The following PITPNA variants were observed in gnomAD, a reference collection of about 807,000 sequenced individuals.
PITPNA encodes phosphatidylinositol transfer protein alpha isoform.
Under a neutral mutation model 50.3 loss-of-function variants are expected in PITPNA, and 13 were observed. The observed-to-expected ratio is 0.26, with a 90% confidence interval of 0.17 to 0.41. The LOEUF (loss-of-function observed/expected upper bound fraction) is 0.41. PITPNA is among the 10% of genes least tolerant of loss of function. The pLI is 1.00. For missense variants in PITPNA, 207 were observed against 333.4 expected (o/e 0.62, Z 2.95); for synonymous variants, 120 against 119.6 (o/e 1.00, Z -0.02).
intron 4 of PITPNA, among the ~76,000 whole-genome samples, chr17:1,543,461 C>T (rs571284492): frequency 1.3e-5 from 2 of 152,298 alleles, no homozygotes; most frequent in East Asian, 3.9e-4. Context: ...CACCCTTCCT[C>T]TCGCTGTAAT....
At chr17:1,547,163 C>A (rs1471902550) in intron 4 of PITPNA, among the ~76,000 whole-genome samples, 2 of 144,696 alleles carry the variant, frequency 1.4e-5, no homozygotes, top group African/African-American at 2.6e-5. Flanking sequence ...AATTTGAAAC[C>A]AGCCTGGGCA....
At chr17:1,532,416 T>G (rs2075589488) in intron 10 of PITPNA, among the ~76,000 whole-genome samples, 1 of 151,872 alleles carries the variant, frequency 6.6e-6, no homozygotes, top group Non-Finnish European at 1.5e-5. Flanking sequence ...GTCTGAGAGA[T>G]TAAAAAATAA....
chr17:1,549,320 AT>A (rs1250520585), intron 3 of PITPNA, among the ~76,000 whole-genome samples: 1,840 of 132,390 alleles, frequency 0.014, 25 homozygotes, highest in African/African-American at 0.041. Context: ...AACATTTAGA[AT>A]TTTTTTTTTT....
intron 1 of PITPNA, among the ~76,000 whole-genome samples, chr17:1,560,411 C>T (rs962489223): frequency 6.6e-6 from 1 of 152,218 alleles, no homozygotes; most frequent in Non-Finnish European, 1.5e-5. Context: ...CTGCTCCTCC[C>T]CCGTCCCCCG....
chr17:1,548,946 G>A (rs2075693137), intron 3 of PITPNA, among the ~76,000 whole-genome samples: 1 of 152,130 alleles, frequency 6.6e-6, no homozygotes. Flanking sequence ...TTGTCGCCCA[G>A]GCTGGAGTGC....
chr17:1,541,529 G>C, intron 6 of PITPNA, 37 bp downstream of exon 6: 1 of 1,462,714 alleles, frequency 6.8e-7, no homozygotes, highest in Non-Finnish European at 9.6e-7. Context: ...AGAGACTCAA[G>C]ACCTCACCCC....
chr17:1,558,840 A>C (rs945771095), intron 1 of PITPNA, among the ~76,000 whole-genome samples: 2 of 131,284 alleles, frequency 1.5e-5, no homozygotes, highest in Admixed American at 9.4e-5. Context: ...CTGTACCTTG[A>C]GGCATCCCAG....
intron 10 of PITPNA, among the ~76,000 whole-genome samples, chr17:1,522,318 G>T (rs960860921): frequency 6.6e-6 from 1 of 151,256 alleles, no homozygotes; most frequent in Non-Finnish European, 1.5e-5. Flanking sequence ...TGATCCACCC[G>T]CCTCGGCCTC....
At chr17:1,561,545 G>A (rs1041664382) in intron 1 of PITPNA, among the ~76,000 whole-genome samples, 3 of 151,820 alleles carry the variant, frequency 2.0e-5, no homozygotes, top group Non-Finnish European at 2.9e-5. Context: ...CTCTCTTTCC[G>A]GACCAGCCTC....
intron 4 of PITPNA, among the ~76,000 whole-genome samples, 154 bp downstream of exon 4, chr17:1,548,142 C>T (rs1159032957): frequency 6.6e-6 from 1 of 152,222 alleles, no homozygotes; most frequent in Non-Finnish European, 1.5e-5. Flanking sequence ...GCCCTGCTGT[C>T]CACCAAGCTG....
chr17:1,561,592 C>G (rs149107347), intron 1 of PITPNA, among the ~76,000 whole-genome samples: 1 of 152,118 alleles, frequency 6.6e-6, no homozygotes, highest in Admixed American at 6.5e-5. Context: ...CACTTCGGAC[C>G]CTACCCAACA....
chr17:1,547,407 T>C (rs1345030363), intron 4 of PITPNA, among the ~76,000 whole-genome samples: 1 of 152,086 alleles, frequency 6.6e-6, no homozygotes, highest in Non-Finnish European at 1.5e-5. Context: ...CCCAGCATTC[T>C]GGGAGGCCGA....
intron 5 of PITPNA, 33 bp downstream of exon 5, chr17:1,542,987 A>G (rs1567582755): frequency 6.5e-7 from 1 of 1,543,794 alleles, no homozygotes; most frequent in Non-Finnish European, 8.8e-7. Context: ...CTTATACATC[A>G]TCTACAGTTC....
intron 10 of PITPNA, among the ~76,000 whole-genome samples, chr17:1,522,113 G>A (rs369761567): frequency 2.8e-4 from 41 of 147,618 alleles, no homozygotes; most frequent in East Asian, 1.4e-3. Context: ...CGCCCAGGCC[G>A]GACTGCGGAC....
intron 4 of PITPNA, among the ~76,000 whole-genome samples, chr17:1,544,469 G>A (rs1269132912): frequency 6.6e-6 from 1 of 151,998 alleles, no homozygotes; most frequent in African/African-American, 2.4e-5. Context: ...ATGCAAACTT[G>A]GGTGATCAAA....
At chr17:1,551,740 AGAG>A (rs1380902762) in intron 3 of PITPNA, among the ~76,000 whole-genome samples, 4 of 152,256 alleles carry the variant, frequency 2.6e-5, no homozygotes, top group African/African-American at 9.6e-5. Context: ...TACAAATACC[AGAG>A]GAGGAGCAAA....
At chr17:1,558,179 G>T (rs113438199) in intron 2 of PITPNA, among the ~76,000 whole-genome samples, 1 of 146,894 alleles carries the variant, frequency 6.8e-6, no homozygotes, top group African/African-American at 2.5e-5. Flanking sequence ...TGCAGTGAGC[G>T]GAGATCGCAC....
chr17:1,523,505 C>CTTTTTTT (rs11401118), intron 10 of PITPNA, among the ~76,000 whole-genome samples: 1 of 117,394 alleles, frequency 8.5e-6, no homozygotes, highest in African/African-American at 3.2e-5. Flanking sequence ...CCACGCCTGG[C>CTTTTTTT]TTTTTTTTTT....
rs1020884251 is a variant in PITPNA, at chr17:1,543,264, G to A, written c.290-237C>T. On this transcript the variant is annotated intron_variant, in intron 4 of 11. Coordinates refer to ENST00000313486, the MANE Select transcript of PITPNA (RefSeq NM_006224.4). ...AAACAGGGAATTTAATTAAAGCGAC[G>A]CCGCTATGGGCTTCTTGGGATTCTT... Among the ~76,000 whole-genome samples the A allele has an allele frequency of 5.3e-5, 8 of 152,248 alleles. No homozygotes were observed. The East Asian group carries it at 7.7e-4, about 15-fold the overall frequency.
Sources: allele counts gnomAD v4.1 joint callset (sites outside exome capture counted in the v4.1 genomes callset), GRCh38; gene constraint gnomAD v4.1.1; transcripts MANE v1.5; gene names NCBI Gene and HGNC (gene_info 2026-07-23, HGNC 2026-07-21).